The following SH3GL2 variants were observed in gnomAD, a reference collection of about 807,000 sequenced individuals.
The protein encoded by SH3GL2 is endophilin-A1.
In SH3GL2, 24 loss-of-function variants were observed where a neutral mutation model predicts 46.0. The ratio of observed to expected loss-of-function variants is 0.52; its 90% confidence interval spans 0.38 to 0.73. SH3GL2 has a LOEUF of 0.73. Among genes scored for constraint, SH3GL2 ranks in the 30% least tolerant of loss-of-function variants. The probability of loss-of-function intolerance (pLI) is 0.00; values close to 1 mark genes in which losing one functional copy is unlikely to be tolerated. For synonymous variants in SH3GL2, 196 were observed against 147.1 expected (o/e 1.33, Z -2.40); for missense variants, 413 against 424.2 (o/e 0.97, Z 0.23).
chr9:17,614,894 C>T (rs547099747), intron 1 of SH3GL2, among the ~76,000 whole-genome samples: 1 of 152,322 alleles, frequency 6.6e-6, no homozygotes, highest in Non-Finnish European at 1.5e-5. Context: ...AATCCCTTCA[C>T]AGACTCAAGT....
chr9:17,627,428 G>A (rs1282202843), intron 1 of SH3GL2, among the ~76,000 whole-genome samples: 4 of 152,154 alleles, frequency 2.6e-5, no homozygotes, highest in Non-Finnish European at 2.9e-5. Flanking sequence ...TCTTCTGGAA[G>A]TAAAGGCCTG....
chr9:17,617,026 G>C (rs1241759516), intron 1 of SH3GL2, among the ~76,000 whole-genome samples: 1 of 152,026 alleles, frequency 6.6e-6, no homozygotes, highest in Non-Finnish European at 1.5e-5. Context: ...CTCTTTCCTT[G>C]TCTCTGTGCC....
At chr9:17,636,667 C>G (rs1041947666) in intron 1 of SH3GL2, among the ~76,000 whole-genome samples, 6 of 152,118 alleles carry the variant, frequency 3.9e-5, no homozygotes, top group Admixed American at 2.6e-4. Context: ...ACCCTCATCA[C>G]CCTTATATCA....
chr9:17,581,926 T>C (rs1413779175), intron 1 of SH3GL2, among the ~76,000 whole-genome samples: 4 of 152,196 alleles, frequency 2.6e-5, no homozygotes, highest in Non-Finnish European at 5.9e-5. Context: ...CTCGAACTCC[T>C]GACCTCAGGT....
chr9:17,728,410 A>C (rs1011832170), intron 1 of SH3GL2, among the ~76,000 whole-genome samples: 1 of 152,152 alleles, frequency 6.6e-6, no homozygotes, highest in African/African-American at 2.4e-5. Flanking sequence ...GTGGTATCTA[A>C]AACCTTCTAC....
chr9:17,602,024 C>G (rs1818681423), intron 1 of SH3GL2, among the ~76,000 whole-genome samples: 1 of 152,176 alleles, frequency 6.6e-6, no homozygotes, highest in African/African-American at 2.4e-5. Flanking sequence ...TCTGGTTGAA[C>G]TTCATGAAAC....
chr9:17,597,759 A>G (rs1818601244), intron 1 of SH3GL2, among the ~76,000 whole-genome samples: 1 of 152,136 alleles, frequency 6.6e-6, no homozygotes, highest in Admixed American at 6.5e-5. Context: ...AAGCTACTCT[A>G]GAAATTATTT....
At chr9:17,702,193 G>A (rs1821355606) in intron 1 of SH3GL2, among the ~76,000 whole-genome samples, 1 of 152,006 alleles carries the variant, frequency 6.6e-6, no homozygotes, top group South Asian at 2.1e-4. Flanking sequence ...TGGAAAAAAG[G>A]TTGGATCCAT....
intron 1 of SH3GL2, among the ~76,000 whole-genome samples, chr9:17,699,153 C>CAAAAAA (rs3084657): frequency 2.3e-5 from 2 of 86,500 alleles, no homozygotes; most frequent in Non-Finnish European, 4.5e-5. Context: ...GACTCTGTCT[C>CAAAAAA]AAAAAAAAAA....
At chr9:17,655,184 A>G (rs1192020967) in intron 1 of SH3GL2, among the ~76,000 whole-genome samples, 2 of 152,210 alleles carry the variant, frequency 1.3e-5, no homozygotes, top group Admixed American at 6.5e-5. Flanking sequence ...ACAGTCCAAC[A>G]GGTGAGAAGA....
chr9:17,718,216 T>C (rs1236612532), intron 1 of SH3GL2, among the ~76,000 whole-genome samples: 1 of 152,112 alleles, frequency 6.6e-6, no homozygotes, highest in African/African-American at 2.4e-5. Context: ...AAAATTCCAA[T>C]ATCATGGTTT....
intron 3 of SH3GL2, among the ~76,000 whole-genome samples, chr9:17,762,031 C>G (rs1362156971): frequency 1.3e-5 from 2 of 152,034 alleles, no homozygotes; most frequent in African/African-American, 4.8e-5. Flanking sequence ...TTGTTATACT[C>G]TAAGAAAAAG....
At chr9:17,652,029 A>G (rs2134667439) in intron 1 of SH3GL2, among the ~76,000 whole-genome samples, 1 of 152,232 alleles carries the variant, frequency 6.6e-6, no homozygotes, top group Non-Finnish European at 1.5e-5. Flanking sequence ...AGTCTGAGTG[A>G]TGAATTGATT....
intron 1 of SH3GL2, among the ~76,000 whole-genome samples, chr9:17,716,130 T>G (rs1821751604): frequency 6.6e-6 from 1 of 152,164 alleles, no homozygotes; most frequent in South Asian, 2.1e-4. Flanking sequence ...GTAATTATAA[T>G]TATTTTAATA....
intron 3 of SH3GL2, among the ~76,000 whole-genome samples, chr9:17,785,963 C>T (rs1195726410): frequency 6.6e-6 from 1 of 152,144 alleles, no homozygotes; most frequent in Admixed American, 6.5e-5. Context: ...AATCCTTAGA[C>T]TCCTAGAATT....
At chr9:17,748,588 T>A (rs3780224) in intron 2 of SH3GL2, among the ~76,000 whole-genome samples, 15,064 of 152,124 alleles carry the variant, frequency 0.099, 978 homozygotes, top group Admixed American at 0.21. Context: ...CCTAGGTACT[T>A]TCTACCTTGT....
At chr9:17,696,631 A>G (rs998147024) in intron 1 of SH3GL2, among the ~76,000 whole-genome samples, 5 of 152,096 alleles carry the variant, frequency 3.3e-5, no homozygotes, top group Non-Finnish European at 2.9e-5. Flanking sequence ...AAACCATCAG[A>G]TCTCATGAAA....
In SH3GL2 at chr9:17,673,781, T is replaced by C. The variant is rs149799247; in HGVS notation, c.46-73285T>C. Reference sequence around the variant, plus strand: ...TGTGCTGTTCTTTCTTACTCACCCTTGAGTCTTTATTAATTCTTTTGCTTT... The same window carrying C: ...TGTGCTGTTCTTTCTTACTCACCCTCGAGTCTTTATTAATTCTTTTGCTTT... On this transcript the variant is annotated intron_variant, in intron 1 of 8. Transcript: ENST00000380607. Among the ~76,000 whole-genome samples the C allele has an allele frequency of 1.2e-4, 18 of 152,322 alleles. No homozygotes were observed. In the East Asian group the frequency reaches 3.3e-3, roughly 28 times the overall value.
In SH3GL2 at chr9:17,795,685, G is replaced by A. The variant is rs1036181347; in HGVS notation, c.1001G>A (p.Gly334Asp). ...AACTGGTATGAGGGGATGCTGCATG[G>A]CCATTCAGGCTTCTTCCCCATCAAT... ...DENWYEGMLH[G>D]HSGFFPINYV... The change falls in exon 9 of 9, where the codon GGC becomes GAC. Residue 334 changes from glycine to aspartate, a missense_variant. Around this residue, in one of 3 missense-constraint regions of SH3GL2, gnomAD observed 248 missense variants for 215.0 expected, o/e 1.15. Coordinates refer to ENST00000380607, the MANE Select transcript of SH3GL2 (RefSeq NM_003026.5). The A allele has an allele frequency of 1.9e-6, 3 of 1,613,874 alleles. No homozygotes were observed. Among genetic ancestry groups the A allele is most frequent in the African/African-American group, 1.3e-5 (1 of 74,910 alleles).
Sources: allele counts gnomAD v4.1 joint callset (sites outside exome capture counted in the v4.1 genomes callset), GRCh38; gene constraint gnomAD v4.1.1; regional missense constraint gnomAD v4.1.1; transcripts MANE v1.5; gene names NCBI Gene and HGNC (gene_info 2026-07-23, HGNC 2026-07-21).